CIZ1: variants seen among roughly 807,000 people sequenced by gnomAD.
The protein encoded by CIZ1 is CDKN1A interacting zinc finger protein 1, also known as cip1-interacting zinc finger protein.
A neutral mutation model predicts 118.6 loss-of-function variants in CIZ1; 58 were observed. The observed-to-expected ratio is 0.49, with a 90% CI of 0.40 to 0.61. The LOEUF is 0.61. Among genes scored for constraint, CIZ1 ranks in the 20% least tolerant of loss-of-function variants. The pLI, the probability that CIZ1 is intolerant of heterozygous loss-of-function variation, is 0.00. For synonymous variants in CIZ1, 448 were observed against 443.4 expected, an observed-to-expected ratio of 1.01 and a Z score of -0.13; for missense variants, 921 against 1,115.9, an observed-to-expected ratio of 0.83 and a Z score of 2.49.
intron 1 of CIZ1, 40 bp from the exon 2 acceptor site, chr9:128,190,902 A>G (rs1195583001): frequency 4.0e-6 from 6 of 1,508,908 alleles, no homozygotes; most frequent in African/African-American, 2.7e-5. Flanking sequence ...GGTCCCCACC[A>G]TAAGTCAGGC....
chr9:128,177,867 A>T, intron 9 of CIZ1, 104 bp from the exon 10 acceptor site: 1 of 805,816 alleles, frequency 1.2e-6, no homozygotes, highest in Non-Finnish European at 1.9e-6. Flanking sequence ...CTTCCTGATG[A>T]TAGGGAAACT....
At position 128,203,405 on chromosome 9, in the gene CIZ1, G is replaced by T; in HGVS notation, c.-6+781C>A. The T allele has an allele frequency of 7.4e-7, 1 of 1,343,156 alleles. No homozygotes were observed. Among genetic ancestry groups the T allele is most frequent in the Non-Finnish European group, 9.6e-7 (1 of 1,046,134 alleles). The allele number at this position is 1,343,156 out of a possible 1,614,324, so 83.2% of individuals were successfully genotyped here. On this transcript the variant is annotated intron_variant, in intron 1 of 17. Coordinates refer to the CIZ1 transcript ENST00000372948. This position sits in a 1 kb window ranked among gnomAD's most constrained non-coding sequence, Gnocchi z 5.3. ...GTCTGGGCGCGCGGCTGCAGCGGCGGAGCCGGAGTCGGAGCCGGGAGCGCT... is the reference window on the plus strand; with the variant it reads ...GTCTGGGCGCGCGGCTGCAGCGGCGTAGCCGGAGTCGGAGCCGGGAGCGCT...
intron 11 of CIZ1, among the ~76,000 whole-genome samples, chr9:128,175,465 C>A (rs1830737126): frequency 6.6e-6 from 1 of 152,078 alleles, no homozygotes; most frequent in Non-Finnish European, 1.5e-5. Flanking sequence ...AGAGCGAGAG[C>A]CCCCTGTCAC....
intron 7 of CIZ1, 48 bp downstream of exon 7, chr9:128,180,367 G>A (rs773635789): frequency 2.1e-6 from 3 of 1,408,648 alleles, no homozygotes; most frequent in East Asian, 4.6e-5. Flanking sequence ...TTGCAGGAAT[G>A]AGAGCACAGG....
At position 128,178,863 on chromosome 9, in the gene CIZ1, A is replaced by G; in HGVS notation, c.1344T>C (p.His448=). The G allele has an allele frequency of 6.2e-7, 1 of 1,614,202 alleles. No homozygotes were observed. Among genetic ancestry groups the G allele is most frequent in the Non-Finnish European group, 8.5e-7 (1 of 1,180,026 alleles). Residue 448 remains histidine (H), a synonymous_variant, in exon 8 of 17, where the codon CAT becomes CAC. Coordinates refer to ENST00000372938, the MANE Select transcript of CIZ1 (RefSeq NM_001131016.2). ...GCTGTACTGACACCTGCGCTGGAGG[A>G]TGCTCCTGTGGCTGGACGCTTGGCT... ...QAQPSVQPQE[H]PPAQVSVQPP...
intron 11 of CIZ1, among the ~76,000 whole-genome samples, chr9:128,173,974 C>T (rs1195547192): frequency 2.6e-5 from 4 of 151,838 alleles, no homozygotes; most frequent in Non-Finnish European, 5.9e-5. Context: ...CCACTGCACT[C>T]CAGCCTGGGT....
chr9:128,172,147 C>CAAAAAAAAAAA (rs58895140), intron 11 of CIZ1, among the ~76,000 whole-genome samples: 1 of 69,170 alleles, frequency 1.4e-5, no homozygotes, highest in African/African-American at 6.9e-5. Flanking sequence ...GACACTGTCT[C>CAAAAAAAAAAA]AAAAAAAAAA....
At chr9:128,176,800 C>T (rs1053933542) in intron 10 of CIZ1, among the ~76,000 whole-genome samples, 7 of 152,166 alleles carry the variant, frequency 4.6e-5, no homozygotes, top group Non-Finnish European at 7.4e-5. Flanking sequence ...AAGTACAATG[C>T]GATCATGATT....
In CIZ1 at chr9:128,167,058, G is replaced by T. The variant is rs540341207; in HGVS notation, c.2365+37C>A. The T allele has an allele frequency of 3.9e-5, 61 of 1,583,000 alleles. No homozygotes were observed. The South Asian group carries it at 5.5e-4, about 14-fold the overall frequency. On this transcript the variant is annotated intron_variant, in intron 15 of 16. Coordinates refer to ENST00000372938, the MANE Select transcript of CIZ1 (RefSeq NM_001131016.2). Reference sequence around the variant, plus strand: ...CATGTGGAGGCTGGGCCCAAGGGCTGAAGCTCCTGCAGGTGGGCTCAGAGC... The same window carrying T: ...CATGTGGAGGCTGGGCCCAAGGGCTTAAGCTCCTGCAGGTGGGCTCAGAGC...
intron 3 of CIZ1, 32 bp downstream of exon 3, chr9:128,190,297 G>T: frequency 6.7e-7 from 1 of 1,485,932 alleles, no homozygotes; most frequent in Non-Finnish European, 9.4e-7. Flanking sequence ...ACCACTAAAA[G>T]AGACTGAGAA....
intron 7 of CIZ1, among the ~76,000 whole-genome samples, chr9:128,179,860 C>T (rs568931256): frequency 4.6e-5 from 7 of 151,814 alleles, no homozygotes; most frequent in Non-Finnish European, 1.0e-4. Flanking sequence ...TTAGTAGAGA[C>T]GGGGTTTCTC....
At chr9:128,171,785 A>T in intron 11 of CIZ1, among the ~76,000 whole-genome samples, 1 of 151,974 alleles carries the variant, frequency 6.6e-6, no homozygotes. Context: ...TTACAAGGGG[A>T]GAGCAACTAT....
Position 128,166,352 on chromosome 9 carries a change from A to G in CIZ1, c.2542T>C (p.Cys848Arg). 6.4e-7 allele frequency: 1 copy of G among 1,562,346 alleles called. No homozygotes were observed. The highest frequency in any genetic ancestry group is 8.7e-7 in the Non-Finnish European group (1 of 1,152,944). The change falls in exon 17 of 17, where the codon TGC becomes CGC. Residue 848 changes from cysteine (C) to arginine (R), a missense_variant. By Grantham distance (180) the Cys-to-Arg change is radical. Transcript: ENST00000372938. The surrounding 1 kb of genome is among the most constrained non-coding windows in gnomAD (Gnocchi z 4.4). ...AAAGCGTTCCGGGCGTTGATTGCGC[A>G]CCGGCGGCTCACAGGTCGGGTGGTG... is the stretch of plus-strand genomic sequence containing the variant. Reference protein sequence around the residue: ...SPTTRPVSRRCAINARNALTA... With the variant: ...SPTTRPVSRRRAINARNALTA...
Position 128,178,598 on chromosome 9 carries a change from G to C in CIZ1, c.1499-108C>G. On this transcript the variant is annotated intron_variant, in intron 8 of 16. Coordinates refer to ENST00000372938, the MANE Select transcript of CIZ1 (RefSeq NM_001131016.2). Reference sequence around the variant, plus strand: ...CCCCAGCATGGATGGCCCTGGACCTGGGTTCCAGGCCTAGCCCTCAGTCCC... The same window carrying C: ...CCCCAGCATGGATGGCCCTGGACCTCGGTTCCAGGCCTAGCCCTCAGTCCC... 12 of 1,586,176 alleles carry C rather than the reference G, an allele frequency of 7.6e-6. No individual in the cohort carries two copies. In the South Asian group the frequency reaches 1.2e-4, roughly 16 times the overall value.
chr9:128,169,688 G>C (rs754041232), intron 12 of CIZ1, 169 bp from the exon 13 acceptor site: 1 of 1,536,790 alleles, frequency 6.5e-7, no homozygotes, highest in Non-Finnish European at 8.7e-7. Context: ...ACATCTCTTC[G>C]TGGTGTGGGT....
At chr9:128,185,499 A>G in intron 5 of CIZ1, 48 bp downstream of exon 5, 1 of 1,291,920 alleles carries the variant, frequency 7.7e-7, no homozygotes, top group Non-Finnish European at 1.1e-6. Flanking sequence ...ACTGGGGCTG[A>G]CACCCAGGGT....
In CIZ1 at chr9:128,187,846, TAA is replaced by T. The variant is rs746943827; in HGVS notation, c.358+15_358+16del. The T allele has an allele frequency of 1.5e-6, 1 of 655,428 alleles. No homozygotes were observed. Among genetic ancestry groups the T allele is most frequent in the Non-Finnish European group, 2.8e-6 (1 of 353,858 alleles). 40.6% of individuals were successfully genotyped at this position (655,428 alleles called of 1,614,324 possible). On this transcript the variant is annotated intron_variant, in intron 4 of 16. Coordinates refer to ENST00000372938, the MANE Select transcript of CIZ1 (RefSeq NM_001131016.2). ...GTATATATACATTTATATATATATA[TAA>T]AAAGCATATAATACCCAGTGTTGCT...
chr9:128,173,450 A>C (rs1830415565), intron 11 of CIZ1, among the ~76,000 whole-genome samples: 1 of 150,380 alleles, frequency 6.6e-6, no homozygotes, highest in Admixed American at 6.6e-5. Context: ...CGGCCGGCTA[A>C]TTTTTTTATA....
rs1829443195 is a variant in CIZ1, at chr9:128,166,516, AC to A, written c.2488-111del. 4.8e-6 allele frequency: 5 copies of A among 1,038,474 alleles called. No individual in the cohort carries two copies. The highest frequency in any genetic ancestry group is 3.2e-5 in the African/African-American group (2 of 62,060). The allele number at this position is 1,038,474 out of a possible 1,614,324, so 64.3% of individuals were successfully genotyped here. A position where few individuals can be genotyped will look rare whatever the true frequency, so the allele number is the denominator to read the frequency against. On this transcript the variant is annotated intron_variant, in intron 16 of 16. Transcript: ENST00000372938. The surrounding 1 kb of genome is among the most constrained non-coding windows in gnomAD (Gnocchi z 4.4). ...TGAGACAGTATTAGTGTGCTCTGTGACCCTGCGTGATGCACTCGGCCTCTCT... is the reference window on the plus strand; with the variant it reads ...TGAGACAGTATTAGTGTGCTCTGTGACCTGCGTGATGCACTCGGCCTCTCT...
Sources: gnomAD v4.1 joint callset for allele counts (sites outside exome capture counted in the v4.1 genomes callset) on GRCh38, gnomAD v4.1.1 for gene constraint, Gnocchi (gnomAD v3.1) non-coding constraint, MANE v1.5 for transcripts, NCBI Gene and HGNC (gene_info 2026-07-23, HGNC 2026-07-21) for gene names.